Variants in TBC1D4 observed in about 807,000 individuals in gnomAD.
The protein encoded by TBC1D4 is TBC1 domain family member 4.
TBC1D4 carries 121 observed loss-of-function variants against 142.5 expected under a neutral mutation model. The observed-to-expected ratio is 0.85, with a 90% CI of 0.73 to 0.99. TBC1D4 has a LOEUF of 0.99. TBC1D4 is among the 50% of genes least tolerant of loss of function. The pLI is 0.00. For synonymous variants in TBC1D4, 630 were observed against 628.2 expected, an observed-to-expected ratio of 1.00 and a Z score of -0.04; for missense variants, 1,475 against 1,606.6, an observed-to-expected ratio of 0.92 and a Z score of 1.40.
chr13:75,380,657 T>A (rs989762319), intron 1 of TBC1D4, among the ~76,000 whole-genome samples: 2 of 152,174 alleles, frequency 1.3e-5, no homozygotes, highest in South Asian at 4.1e-4. Flanking sequence ...ACCTACGTTA[T>A]GTGAAGAAGT....
chr13:75,299,554 G>A lies in TBC1D4; in HGVS notation c.2932C>T (p.Pro978Ser), dbSNP rs756634332. The part of the protein sequence containing the change: ...VDLGRTFPTH[P>S]YFSVQLGPGQ... ...GGCCCAAGCTGTACTGAAAAGTAAG[G>A]GTGAGTAGGAAACGTCCTTCCTGCA... Residue 978 changes from proline to serine, a missense_variant, in exon 17 of 21, where the codon CCT becomes TCT. By Grantham distance (74) the Pro-to-Ser change is moderately conservative (BLOSUM62 -1). Transcript: ENST00000377636. 3.1e-6 allele frequency: 5 copies of A among 1,614,082 alleles called. No individual in the cohort carries two copies. Among genetic ancestry groups the A allele is most frequent in the Admixed American group, 3.3e-5 (2 of 60,008 alleles).
chr13:75,355,654 G>T (rs541138202), intron 4 of TBC1D4, among the ~76,000 whole-genome samples: 1 of 152,214 alleles, frequency 6.6e-6, no homozygotes, highest in Admixed American at 6.5e-5. Context: ...ACTTTTAAAT[G>T]CCAAAGAAGA....
chr13:75,481,199 C>G, intron 1 of TBC1D4, 71 bp downstream of exon 1: 1 of 1,241,712 alleles, frequency 8.1e-7, no homozygotes, highest in Non-Finnish European at 1.1e-6. Context: ...GTGGGGTCCC[C>G]GCCCCTCCCG....
At chr13:75,413,838 C>T (rs963175039) in intron 1 of TBC1D4, among the ~76,000 whole-genome samples, 5 of 152,146 alleles carry the variant, frequency 3.3e-5, no homozygotes, top group Admixed American at 1.3e-4. Context: ...TCTGGAGCCC[C>T]TCTCTTCGGT....
chr13:75,382,483 T>C (rs1169403964), intron 1 of TBC1D4, among the ~76,000 whole-genome samples: 1 of 152,242 alleles, frequency 6.6e-6, no homozygotes, highest in Non-Finnish European at 1.5e-5. Flanking sequence ...ATTGTGTTAT[T>C]CAATATGGTA....
chr13:75,298,985 G>A (rs946566072), intron 17 of TBC1D4, among the ~76,000 whole-genome samples: 1 of 152,198 alleles, frequency 6.6e-6, no homozygotes, highest in Non-Finnish European at 1.5e-5. Context: ...TTTCAACTGA[G>A]AAGTTGAGAA....
intron 15 of TBC1D4, 30 bp downstream of exon 15, chr13:75,306,283 A>C: frequency 6.4e-7 from 1 of 1,573,508 alleles, no homozygotes; most frequent in Non-Finnish European, 8.6e-7. Flanking sequence ...TTCTTTAAAA[A>C]ACAAAAATTA....
chr13:75,288,731 C>A (rs1429669695), intron 20 of TBC1D4, among the ~76,000 whole-genome samples: 2 of 152,100 alleles, frequency 1.3e-5, no homozygotes, highest in Non-Finnish European at 2.9e-5. Context: ...TGCCATTTAG[C>A]TATTTTGTGA....
chr13:75,317,598 G>T (rs1593919361), intron 12 of TBC1D4, among the ~76,000 whole-genome samples: 1 of 152,058 alleles, frequency 6.6e-6, no homozygotes, highest in South Asian at 2.1e-4. Context: ...TGTTTCCATA[G>T]AATTTTTTCC....
chr13:75,437,769 T>A (rs1418041085), intron 1 of TBC1D4, among the ~76,000 whole-genome samples: 1 of 152,092 alleles, frequency 6.6e-6, no homozygotes, highest in Admixed American at 6.6e-5. Context: ...AGTAGCTAAT[T>A]CCTCTATAAA....
At chr13:75,346,350 A>G (rs887241755) in intron 5 of TBC1D4, among the ~76,000 whole-genome samples, 1 of 150,036 alleles carries the variant, frequency 6.7e-6, no homozygotes, top group East Asian at 2.0e-4. Context: ...CCCTGTGTCT[A>G]TGTGTTCTCA....
At chr13:75,417,353 C>G (rs558719242) in intron 1 of TBC1D4, among the ~76,000 whole-genome samples, 24 of 152,278 alleles carry the variant, frequency 1.6e-4, no homozygotes, top group African/African-American at 5.5e-4. Context: ...GCACCACCTG[C>G]CCCGGGTAAG....
chr13:75,405,505 C>CAGGCAAT (rs1199280311), intron 1 of TBC1D4, among the ~76,000 whole-genome samples: 2 of 152,200 alleles, frequency 1.3e-5, no homozygotes, highest in East Asian at 3.9e-4. Context: ...CTCCTGAGTT[C>CAGGCAAT]AGGCAATATG....
intron 16 of TBC1D4, among the ~76,000 whole-genome samples, chr13:75,300,281 CAG>C (rs1249829391): frequency 1.3e-5 from 2 of 152,126 alleles, no homozygotes; most frequent in African/African-American, 4.8e-5. Flanking sequence ...AAAATTACCA[CAG>C]AGACACTTGA....
chr13:75,440,600 C>T (rs1413138776), intron 1 of TBC1D4, among the ~76,000 whole-genome samples: 1 of 151,922 alleles, frequency 6.6e-6, no homozygotes, highest in Non-Finnish European at 1.5e-5. Context: ...CATGCCCAGG[C>T]TGGCATGCAG....
intron 11 of TBC1D4, among the ~76,000 whole-genome samples, chr13:75,323,345 C>G (rs1484418313): frequency 1.3e-5 from 2 of 152,134 alleles, no homozygotes; most frequent in East Asian, 3.9e-4. Flanking sequence ...ATAAGTCAAG[C>G]TATACACAAA....
chr13:75,396,546 A>G (rs1884803626), intron 1 of TBC1D4, among the ~76,000 whole-genome samples: 1 of 152,196 alleles, frequency 6.6e-6, no homozygotes, highest in Admixed American at 6.6e-5. Flanking sequence ...TGTCACAATA[A>G]TGATTTCCTA....
intron 1 of TBC1D4, among the ~76,000 whole-genome samples, chr13:75,474,067 T>A (rs2138337532): frequency 6.6e-6 from 1 of 152,360 alleles, no homozygotes; most frequent in South Asian, 2.1e-4. Flanking sequence ...AAACTTTTTT[T>A]ATTTCCCCTT....
chr13:75,474,516 G>T (rs956252042), intron 1 of TBC1D4, among the ~76,000 whole-genome samples: 2 of 152,114 alleles, frequency 1.3e-5, no homozygotes, highest in Admixed American at 1.3e-4. Flanking sequence ...CCGAGATTGC[G>T]CCACTGCACT....
Sources: allele counts gnomAD v4.1 joint callset (sites outside exome capture counted in the v4.1 genomes callset), GRCh38; gene constraint gnomAD v4.1.1; transcripts MANE v1.5; gene names NCBI Gene and HGNC (gene_info 2026-07-23, HGNC 2026-07-21).